The following ASAP1 variants were observed in gnomAD, a reference collection of about 807,000 sequenced individuals.
The protein encoded by ASAP1 is ArfGAP with SH3 domain, ankyrin repeat and PH domain 1, also known as arf-GAP with SH3 domain, ANK repeat and PH domain-containing protein 1.
A neutral mutation model predicts 145.2 loss-of-function variants in ASAP1; 43 were observed. That is an observed-to-expected ratio of 0.30 (90% CI 0.23 to 0.38). The LOEUF is 0.38. Ranked by LOEUF, ASAP1 falls within the 10% of genes least tolerant of loss-of-function variation. The pLI, the probability that ASAP1 is intolerant of heterozygous loss-of-function variation, is 1.00. For missense variants in ASAP1, 1,018 were observed against 1,355.3 expected (o/e 0.75, Z 3.91); for synonymous variants, 546 against 515.5 (o/e 1.06, Z -0.80).
At chr8:130,429,703 C>CT (rs1291565977) in intron 1 of ASAP1, among the ~76,000 whole-genome samples, 1 of 152,226 alleles carries the variant, frequency 6.6e-6, no homozygotes, top group African/African-American at 2.4e-5. Context: ...AATATCACTA[C>CT]TGAACTTAAC....
At chr8:130,437,767 G>C (rs1306471400) in intron 1 of ASAP1, among the ~76,000 whole-genome samples, 1 of 152,074 alleles carries the variant, frequency 6.6e-6, no homozygotes, top group East Asian at 1.9e-4. Context: ...CTGTCTTGAC[G>C]CCCTTCTTCC....
chr8:130,148,252 G>A (rs1458532076), intron 13 of ASAP1, among the ~76,000 whole-genome samples: 1 of 152,184 alleles, frequency 6.6e-6, no homozygotes, highest in African/African-American at 2.4e-5. Context: ...AGTAGAAAGA[G>A]TACAGGCTTT....
intron 1 of ASAP1, among the ~76,000 whole-genome samples, chr8:130,436,019 A>G (rs1212917056): frequency 6.6e-6 from 1 of 152,244 alleles, no homozygotes; most frequent in African/African-American, 2.4e-5. Flanking sequence ...TGAGCCACTA[A>G]GCCCCCAAAC....
intron 6 of ASAP1, 94 bp from the exon 7 acceptor site, chr8:130,187,379 T>C (rs1814806954): frequency 9.4e-7 from 1 of 1,061,102 alleles, no homozygotes; most frequent in Non-Finnish European, 1.4e-6. Flanking sequence ...AATTGTTTCC[T>C]TTATAGGACA....
intron 5 of ASAP1, among the ~76,000 whole-genome samples, chr8:130,195,865 A>C (rs1815450563): frequency 6.6e-6 from 1 of 152,230 alleles, no homozygotes; most frequent in Non-Finnish European, 1.5e-5. Flanking sequence ...TTCCCTCTGT[A>C]TATATAAACA....
In ASAP1 at chr8:130,358,172, G is replaced by A. The variant is rs1296517483; in HGVS notation, c.60-29C>T. On this transcript the variant is annotated intron_variant, in intron 2 of 29. Coordinates refer to ENST00000518721, the MANE Select transcript of ASAP1 (RefSeq NM_018482.4). This position sits in a 1 kb window ranked among gnomAD's most constrained non-coding sequence, Gnocchi z 4.1. ...CCGGGAGGGACGAGACACAAGCGGG[G>A]GCGGGGGGTGAGTCACGGCGCAGGC... is the stretch of plus-strand genomic sequence containing the variant. The A allele has an allele frequency of 2.5e-6, 4 of 1,581,326 alleles. No homozygotes were observed. The highest frequency in any genetic ancestry group is 1.1e-5 in the South Asian group (1 of 89,466).
chr8:130,332,600 A>G (rs1258589364), intron 3 of ASAP1, among the ~76,000 whole-genome samples: 1 of 152,216 alleles, frequency 6.6e-6, no homozygotes. Context: ...AGAATGCAAA[A>G]CAACTTTTCG....
chr8:130,128,143 T>TAA, intron 15 of ASAP1, 53 bp from the exon 16 acceptor site: 1 of 546,004 alleles, frequency 1.8e-6, no homozygotes. Context: ...ATGGTCATTT[T>TAA]TTTTTTTTTT....
In ASAP1 at chr8:130,054,769, C is replaced by T; in HGVS notation, c.3352G>A (p.Val1118Ile). 1 of 1,613,736 alleles carries T rather than the reference C, an allele frequency of 6.2e-7. No individual in the cohort carries two copies. The highest frequency in any genetic ancestry group is 2.2e-5 in the East Asian group (1 of 44,876). The change falls in exon 30 of 30, where the codon GTC (valine) becomes ATC (isoleucine). Residue 1118 changes from valine (V) to isoleucine (I), a missense_variant. Physicochemically the swap from Val to Ile is conservative, Grantham distance 29. This residue lies in a region of ASAP1 where 62 missense variants were observed against 97.8 expected (regional missense o/e 0.63). Transcript: ENST00000518721. The part of the protein sequence containing the change: ...HIEGQPERKG[V>I]FPVSFVHILS... ...ATATGAACAAAGGACACTGGAAAGA[C>T]CCCCTTCCTTTCAGGCTGTCCTTCG...
At chr8:130,264,093 CAG>C (rs949347761) in intron 3 of ASAP1, among the ~76,000 whole-genome samples, 1 of 152,168 alleles carries the variant, frequency 6.6e-6, no homozygotes, top group Non-Finnish European at 1.5e-5. Context: ...TGGAGGTCAA[CAG>C]AGAGACACAA....
At chr8:130,248,701 A>T (rs757115266) in intron 3 of ASAP1, among the ~76,000 whole-genome samples, 1 of 152,128 alleles carries the variant, frequency 6.6e-6, no homozygotes, top group African/African-American at 2.4e-5. Flanking sequence ...ACATCACAAC[A>T]CTTATCTGAA....
chr8:130,075,016 G>C (rs2097459117), intron 27 of ASAP1, among the ~76,000 whole-genome samples: 1 of 152,204 alleles, frequency 6.6e-6, no homozygotes, highest in South Asian at 2.1e-4. Context: ...GTGCAGGGAA[G>C]AGCTGGCGGC....
intron 20 of ASAP1, among the ~76,000 whole-genome samples, chr8:130,117,598 C>G (rs2097558456): frequency 6.6e-6 from 1 of 152,196 alleles, no homozygotes; most frequent in African/African-American, 2.4e-5. Context: ...AAGAATCCAG[C>G]AAGTCCAAAC....
At chr8:130,294,650 G>A (rs1822151460) in intron 3 of ASAP1, among the ~76,000 whole-genome samples, 1 of 152,196 alleles carries the variant, frequency 6.6e-6, no homozygotes, top group Admixed American at 6.5e-5. Context: ...CTCCCTTACT[G>A]GGGTTACTGC....
At chr8:130,294,446 G>A (rs1271631840) in intron 3 of ASAP1, among the ~76,000 whole-genome samples, 2 of 152,180 alleles carry the variant, frequency 1.3e-5, no homozygotes, top group African/African-American at 2.4e-5. Context: ...AATAACATGA[G>A]CTGGACAGAC....
At chr8:130,414,232 C>T (rs1484974515) in intron 1 of ASAP1, among the ~76,000 whole-genome samples, 1 of 152,196 alleles carries the variant, frequency 6.6e-6, no homozygotes, top group African/African-American at 2.4e-5. Context: ...GTTTGCTGAC[C>T]CATCTGCCAT....
intron 24 of ASAP1, among the ~76,000 whole-genome samples, chr8:130,093,711 A>G (rs1193549220): frequency 6.7e-6 from 1 of 149,578 alleles, no homozygotes; most frequent in Non-Finnish European, 1.5e-5. Context: ...ACACTGCCAC[A>G]CTGAATGTTT....
intron 3 of ASAP1, among the ~76,000 whole-genome samples, chr8:130,291,491 T>C (rs1384796977): frequency 6.6e-6 from 1 of 151,998 alleles, no homozygotes; most frequent in Non-Finnish European, 1.5e-5. Context: ...AAACAGAAGG[T>C]GTGTGATGGA....
intron 5 of ASAP1, among the ~76,000 whole-genome samples, chr8:130,189,630 T>A (rs1814997200): frequency 6.6e-6 from 1 of 152,200 alleles, no homozygotes; most frequent in Non-Finnish European, 1.5e-5. Flanking sequence ...GTACGGGTTA[T>A]CTTGTTGATA....
Sources: allele counts gnomAD v4.1 joint callset (sites outside exome capture counted in the v4.1 genomes callset), GRCh38; gene constraint gnomAD v4.1.1; regional missense constraint gnomAD v4.1.1; non-coding constraint Gnocchi (gnomAD v3.1); transcripts MANE v1.5; gene names NCBI Gene and HGNC (gene_info 2026-07-23, HGNC 2026-07-21).